Variants in BEND4 observed in about 807,000 individuals in gnomAD.
The protein encoded by BEND4 is BEN domain-containing protein 4.
A neutral mutation model predicts 54.7 loss-of-function variants in BEND4; 27 were observed. The ratio of observed to expected loss-of-function variants is 0.49; its 90% CI spans 0.36 to 0.68. BEND4 has a LOEUF of 0.68. Among genes scored for constraint, BEND4 ranks in the 30% least tolerant of loss-of-function variants. The probability of loss-of-function intolerance (pLI) is 0.00; values close to 1 mark genes in which losing one functional copy is unlikely to be tolerated. For missense variants in BEND4, 702 were observed against 697.2 expected (o/e 1.01, Z -0.08); for synonymous variants, 327 against 299.5 (o/e 1.09, Z -0.95).
chr4:42,149,528 C>T (rs1314056647), intron 2 of BEND4, among the ~76,000 whole-genome samples: 3 of 152,146 alleles, frequency 2.0e-5, no homozygotes, highest in Non-Finnish European at 4.4e-5. Flanking sequence ...TCTCTATGAC[C>T]TCCTTAAAAA....
intron 2 of BEND4, among the ~76,000 whole-genome samples, chr4:42,145,456 A>G (rs2153147524): frequency 6.6e-6 from 1 of 152,258 alleles, no homozygotes; most frequent in East Asian, 1.9e-4. Flanking sequence ...GCACTTTGGG[A>G]GGCCAAGGTG....
At chr4:42,133,911 G>A (rs1333711824) in intron 3 of BEND4, among the ~76,000 whole-genome samples, 1 of 152,142 alleles carries the variant, frequency 6.6e-6, no homozygotes, top group Non-Finnish European at 1.5e-5. Flanking sequence ...GTTATTGTGA[G>A]GATTACTTAA....
At position 42,112,802 on chromosome 4, in the gene BEND4, A is replaced by G. The variant is rs542475048; in HGVS notation, c.*4716T>C. On this transcript the variant is annotated 3_prime_UTR_variant, in exon 6 of 6. Coordinates refer to ENST00000502486, the MANE Select transcript of BEND4 (RefSeq NM_207406.4). ...AATATTGATGGGTTATTATTTTTGC[A>G]CTCCATGTTGTCTGATGTCAATTCT... The G allele has an allele frequency of 6.6e-6, 1 of 152,052 alleles. No homozygotes were observed. The highest frequency in any genetic ancestry group is 6.5e-5 in the Admixed American group (1 of 15,276). The allele number at this position is 152,052 out of a possible 1,614,324, so 9.4% of individuals were successfully genotyped here.
At chr4:42,124,231 T>C (rs1158383645) in intron 4 of BEND4, among the ~76,000 whole-genome samples, 1 of 152,146 alleles carries the variant, frequency 6.6e-6, no homozygotes, top group Non-Finnish European at 1.5e-5. Context: ...TGCACACCTG[T>C]AGTCTCGGCT....
rs117389442 is a variant in BEND4 at position 42,140,991 on chromosome 4, T to C, written c.1054+2437A>G. ...CCTATGAGATAAACCCACAGTGAAC[T>C]AAGCACTGGTTACACAGCTGTGAGA... On this transcript the variant is annotated intron_variant, in intron 3 of 5. Transcript: ENST00000502486. Among the ~76,000 whole-genome samples the C allele has an allele frequency of 2.0e-5, 3 of 152,224 alleles. No individual in the cohort carries two copies. The East Asian group carries it at 5.8e-4, about 29-fold the overall frequency.
chr4:42,145,593 G>A (rs1721049679), intron 2 of BEND4, among the ~76,000 whole-genome samples: 1 of 151,636 alleles, frequency 6.6e-6, no homozygotes, highest in African/African-American at 2.4e-5. Flanking sequence ...TCGGGGGGCT[G>A]AGGCAGGAGA....
At position 42,120,097 on chromosome 4, in the gene BEND4, G is replaced by A. The variant is rs368072777; in HGVS notation, c.1344C>T (p.Pro448=). 3.3e-5 allele frequency: 53 copies of A among 1,613,806 alleles called. No individual in the cohort carries two copies. In the Middle Eastern group the frequency reaches 6.6e-4, roughly 20 times the overall value. ...KRSVQSGETG[P]ERRPLDPVKV... is the part of the protein sequence containing the mutation. The stretch of plus-strand genomic sequence containing the variant: ...TAACTGGATCCAGAGGGCGTCTTTC[G>A]GGACCTGTCTCTCCTGACTGCACTG... Residue 448 remains proline, a synonymous_variant, in exon 5 of 6, where the codon CCC becomes CCT. Coordinates refer to ENST00000502486, the MANE Select transcript of BEND4 (RefSeq NM_207406.4).
Position 42,152,259 on chromosome 4 carries a change from G to A in BEND4, c.-116C>T. 9.3e-7 allele frequency: 1 copy of A among 1,070,354 alleles called. No homozygotes were observed. Among genetic ancestry groups the A allele is most frequent in the Non-Finnish European group, 1.2e-6 (1 of 845,004 alleles). The allele number at this position is 1,070,354 out of a possible 1,614,324, so 66.3% of individuals were successfully genotyped here. Reference sequence around the variant, plus strand: ...TGCCCTGGTGCGCGCGTGTGGGAGGGTGTGTGTCTGTGCCGTGGCCGCCGC... The same window carrying A: ...TGCCCTGGTGCGCGCGTGTGGGAGGATGTGTGTCTGTGCCGTGGCCGCCGC... On this transcript the variant is annotated 5_prime_UTR_variant, in exon 2 of 6. Transcript: ENST00000502486.
chr4:42,147,172 G>A (rs1011496246), intron 2 of BEND4, among the ~76,000 whole-genome samples: 8 of 152,070 alleles, frequency 5.3e-5, no homozygotes, highest in South Asian at 2.1e-4. Flanking sequence ...CACCCTTAGA[G>A]TAGAATTTTT....
At chr4:42,119,134 T>C (rs1387550046) in intron 5 of BEND4, among the ~76,000 whole-genome samples, 3 of 152,152 alleles carry the variant, frequency 2.0e-5, no homozygotes, top group Non-Finnish European at 4.4e-5. Context: ...CCAGAATCAC[T>C]GTGAGCATCT....
chr4:42,120,882 G>C (rs1285146769), intron 4 of BEND4, among the ~76,000 whole-genome samples: 1 of 151,918 alleles, frequency 6.6e-6, no homozygotes, highest in Non-Finnish European at 1.5e-5. Flanking sequence ...TCAAATTATA[G>C]CTTCTGCAAA....
chr4:42,139,188 A>G (rs1171059809), intron 3 of BEND4, among the ~76,000 whole-genome samples: 1 of 152,184 alleles, frequency 6.6e-6, no homozygotes, highest in Non-Finnish European at 1.5e-5. Context: ...CACTCTTTTC[A>G]AAAAATTTAA....
Position 42,128,266 on chromosome 4 carries a change from G to A in BEND4, c.1055-2592C>T, listed in dbSNP as rs929991935. Among the ~76,000 whole-genome samples, 11 of 152,308 alleles carry A rather than the reference G, an allele frequency of 7.2e-5. No individual in the cohort carries two copies. In the East Asian group the frequency reaches 1.7e-3, roughly 24 times the overall value. On this transcript the variant is annotated intron_variant, in intron 3 of 5. Coordinates refer to ENST00000502486, the MANE Select transcript of BEND4 (RefSeq NM_207406.4). ...TACTGAATGTGCAAAAGCTGGAAGC[G>A]TTCCCCTTGAAAACTGGCACGAAAC...
chr4:42,143,165 T>G (rs1035983951), intron 3 of BEND4, among the ~76,000 whole-genome samples: 1 of 152,216 alleles, frequency 6.6e-6, no homozygotes, highest in African/African-American at 2.4e-5. Flanking sequence ...ACTATGGTGT[T>G]CAGGCCTATA....
rs1337187332 is a variant in BEND4 at position 42,143,817 on chromosome 4, T to C, written c.665A>G (p.His222Arg). 1 of 1,591,502 alleles carries C rather than the reference T, an allele frequency of 6.3e-7. No homozygotes were observed. The highest frequency in any genetic ancestry group is 8.6e-7 in the Non-Finnish European group (1 of 1,169,582). ...GTCTACATTGTCTGAGGTCTGACTGTGGACCCCTTTCCCAATGTGACAGTG... is the reference window on the plus strand; with the variant it reads ...GTCTACATTGTCTGAGGTCTGACTGCGGACCCCTTTCCCAATGTGACAGTG... The part of the protein sequence containing the change: ...QEHCHIGKGV[H>R]SQTSDNVDIE... The change falls in exon 3 of 6, where the codon CAC becomes CGC. Residue 222 changes from histidine (H) to arginine (R), a missense_variant. Physicochemically the swap from His to Arg is conservative, Grantham distance 29. Transcript: ENST00000502486.
At chr4:42,131,332 A>C (rs1720501512) in intron 3 of BEND4, among the ~76,000 whole-genome samples, 1 of 152,226 alleles carries the variant, frequency 6.6e-6, no homozygotes, top group Non-Finnish European at 1.5e-5. Context: ...TATGCATAGA[A>C]AAGAGATAGG....
chr4:42,117,038 T>C lies in BEND4; in HGVS notation c.*480A>G, dbSNP rs114031102. On this transcript the variant is annotated 3_prime_UTR_variant, in exon 6 of 6. Transcript: ENST00000502486. ...ATGGTATATGATGTCATCTATCCTA[T>C]GTCTTTGCCGAGAAATATGAAGTCA... is the stretch of plus-strand genomic sequence containing the variant. The C allele has an allele frequency of 0.013, 2,065 of 154,338 alleles. 19 individuals carry two copies. The highest frequency in any genetic ancestry group is 0.037 in the Middle Eastern group (11 of 298). 9.6% of individuals were successfully genotyped at this position (154,338 alleles called of 1,614,324 possible). A position where few individuals can be genotyped will look rare whatever the true frequency, so the allele number is the denominator to read the frequency against.
chr4:42,137,646 C>A (rs1440045647), intron 3 of BEND4, among the ~76,000 whole-genome samples: 1 of 152,022 alleles, frequency 6.6e-6, no homozygotes. Context: ...CTGCATCACA[C>A]TAAAAAGTCT....
Position 42,117,290 on chromosome 4 carries a change from T to G in BEND4, c.*228A>C, listed in dbSNP as rs1287704964. ...GATCTAGCTAGTAATCATTTAAAAA[T>G]CAGATGTAGTTTTTTCTTTTTATAA... On this transcript the variant is annotated 3_prime_UTR_variant, in exon 6 of 6. Coordinates refer to ENST00000502486, the MANE Select transcript of BEND4 (RefSeq NM_207406.4). The G allele has an allele frequency of 1.1e-5, 5 of 443,864 alleles. No homozygotes were observed. The highest frequency in any genetic ancestry group is 1.0e-4 in the African/African-American group (5 of 49,218). 27.5% of individuals were successfully genotyped at this position (443,864 alleles called of 1,614,324 possible).
Sources: allele counts gnomAD v4.1 joint callset (sites outside exome capture counted in the v4.1 genomes callset), GRCh38; gene constraint gnomAD v4.1.1; transcripts MANE v1.5; gene names NCBI Gene and HGNC (gene_info 2026-07-23, HGNC 2026-07-21).